The following ERAP2 variants were observed in gnomAD, a reference collection of about 807,000 sequenced individuals.
The protein encoded by ERAP2 is endoplasmic reticulum aminopeptidase 2, also known as leukocyte-derived arginine aminopeptidase.
A neutral mutation model predicts 111.1 loss-of-function variants in ERAP2; 118 were observed. That is an observed-to-expected ratio of 1.06 (90% CI 0.92 to 1.24). ERAP2 has a LOEUF of 1.24. ERAP2 is among the 50% of genes most tolerant of loss of function. The pLI is 0.00. For missense variants in ERAP2, 1,131 were observed against 1,125.8 expected, an observed-to-expected ratio of 1.00 and a Z score of -0.07; for synonymous variants, 410 against 401.2, an observed-to-expected ratio of 1.02 and a Z score of -0.26.
intron 2 of ERAP2, 78 bp from the exon 3 acceptor site, chr5:96,883,714 C>T: frequency 1.4e-6 from 2 of 1,429,664 alleles, no homozygotes; most frequent in Non-Finnish European, 1.9e-6. Context: ...GTTTGATAAG[C>T]TGTTTGCTGA....
intron 18 of ERAP2, among the ~76,000 whole-genome samples, chr5:96,916,885 T>C (rs2910686): frequency 0.42 from 63,298 of 151,790 alleles, 13,267 homozygotes; most frequent in East Asian, 0.44. Context: ...CACCATTTAC[T>C]CTATGACTTG....
At chr5:96,915,835 T>C (rs893835652) in intron 18 of ERAP2, 66 bp downstream of exon 18, 25 of 1,331,290 alleles carry the variant, frequency 1.9e-5, no homozygotes, top group Non-Finnish European at 2.6e-5. Context: ...GAAAGTAAAC[T>C]TAGATATAAT....
chr5:96,879,632 G>C lies in ERAP2; in HGVS notation c.-54G>C. 1 of 1,476,820 alleles carries C rather than the reference G, an allele frequency of 6.8e-7. No individual in the cohort carries two copies. Among genetic ancestry groups the C allele is most frequent in the Non-Finnish European group, 9.4e-7 (1 of 1,064,158 alleles). 91.5% of individuals were successfully genotyped at this position (1,476,820 alleles called of 1,614,324 possible). ...ATAACTGGAGCCAGTGCAGTGCCATGAAGAACTACGAGATTAGCCTGGATA... is the reference window on the plus strand; with the variant it reads ...ATAACTGGAGCCAGTGCAGTGCCATCAAGAACTACGAGATTAGCCTGGATA... On this transcript the variant is annotated 5_prime_UTR_variant, in exon 2 of 19. An upstream start codon of the reference 5' UTR is lost. Coordinates refer to ENST00000437043, the MANE Select transcript of ERAP2 (RefSeq NM_022350.5).
chr5:96,912,983 G>A (rs1786969892), intron 16 of ERAP2, among the ~76,000 whole-genome samples, 185 bp downstream of exon 16: 1 of 152,118 alleles, frequency 6.6e-6, no homozygotes, highest in African/African-American at 2.4e-5. Flanking sequence ...GTATTCCCTA[G>A]TTATTAATCA....
rs1485752309 is a variant in ERAP2 at position 96,896,482 on chromosome 5, T to C, written c.1349T>C (p.Phe450Ser). ...AETPTQIQEM[F>S]DEVSYNKGAC... is the part of the protein sequence containing the mutation. ...ACCCCGACTCAAATACAGGAAATGT[T>C]TGATGAAGTTTCCTATAACAAGGTA... Residue 450 changes from phenylalanine to serine, a missense_variant, in exon 8 of 19, where the codon TTT becomes TCT. This residue lies in a region of ERAP2 where 847 missense variants were observed against 856.5 expected (regional missense o/e 0.99). Transcript: ENST00000437043. 1.2e-6 allele frequency: 2 copies of C among 1,613,434 alleles called. No homozygotes were observed. Among genetic ancestry groups the C allele is most frequent in the Non-Finnish European group, 1.7e-6 (2 of 1,179,642 alleles).
intron 15 of ERAP2, chr5:96,910,159 G>C (rs1040671385): frequency 6.2e-6 from 1 of 162,168 alleles, no homozygotes; most frequent in African/African-American, 2.4e-5. Flanking sequence ...CAGCTACTTC[G>C]GAGGCTGAGG....
intron 5 of ERAP2, 103 bp from the exon 6 acceptor site, chr5:96,892,196 G>C: frequency 4.2e-6 from 5 of 1,185,740 alleles, no homozygotes; most frequent in Non-Finnish European, 6.1e-6. Flanking sequence ...CAAAAAGTCT[G>C]CTTAAATATG....
rs189518074 is a variant in ERAP2 at position 96,886,920 on chromosome 5, T to G, written c.849+131T>G. On this transcript the variant is annotated intron_variant, in intron 4 of 18. Coordinates refer to ENST00000437043, the MANE Select transcript of ERAP2 (RefSeq NM_022350.5). Reference sequence around the variant, plus strand: ...TTACAAGAAGAGATAGATAAAAAACTAAGTTAAAAATTATCCATAGTCCTG... The same window carrying G: ...TTACAAGAAGAGATAGATAAAAAACGAAGTTAAAAATTATCCATAGTCCTG... 1,106 of 891,594 alleles carry G rather than the reference T, an allele frequency of 1.2e-3. 25 individuals are homozygous for G. In the Admixed American group the frequency reaches 0.034, roughly 28 times the overall value. 55.2% of individuals were successfully genotyped at this position (891,594 alleles called of 1,614,324 possible). A position where few individuals can be genotyped will look rare whatever the true frequency, so the allele number is the denominator to read the frequency against.
At position 96,886,613 on chromosome 5, in the gene ERAP2, C is replaced by T. The variant is rs763663800; in HGVS notation, c.715-42C>T. ...AAGTCATAGGCATGGTTATGAAATACTCCAGTTTTCAAGTACTGATTATTC... is the reference window on the plus strand; with the variant it reads ...AAGTCATAGGCATGGTTATGAAATATTCCAGTTTTCAAGTACTGATTATTC... On this transcript the variant is annotated intron_variant, in intron 3 of 18. Coordinates refer to ENST00000437043, the MANE Select transcript of ERAP2 (RefSeq NM_022350.5). 1.8e-5 allele frequency: 26 copies of T among 1,447,592 alleles called. No individual in the cohort carries two copies. In the Admixed American group the frequency reaches 3.9e-4, roughly 22 times the overall value. The allele number at this position is 1,447,592 out of a possible 1,614,324, so 89.7% of individuals were successfully genotyped here.
chr5:96,886,573 TA>T, intron 3 of ERAP2, 81 bp from the exon 4 acceptor site: 1 of 1,262,706 alleles, frequency 7.9e-7, no homozygotes, highest in Non-Finnish European at 1.1e-6. Context: ...GGCTTGCCTC[TA>T]ACTCACCTGC....
Position 96,889,211 on chromosome 5 carries a change from A to C in ERAP2, c.876A>C (p.Lys292Asn). 6.2e-7 allele frequency: 1 copy of C among 1,614,158 alleles called. No individual in the cohort carries two copies. The highest frequency in any genetic ancestry group is 1.1e-5 in the South Asian group (1 of 91,082). The change falls in exon 5 of 19, where the codon AAA becomes AAC. Residue 292 changes from lysine (K) to asparagine (N), a missense_variant. Transcript: ENST00000437043. ...VKVSIYASPDKRNQTHYALQA... is the reference protein window; with the variant it reads ...VKVSIYASPDNRNQTHYALQA... ...TGTCCATCTATGCATCCCCAGACAAACGGAATCAAACACATTATGCTTTGC... is the reference window on the plus strand; with the variant it reads ...TGTCCATCTATGCATCCCCAGACAACCGGAATCAAACACATTATGCTTTGC...
At position 96,890,749 on chromosome 5, in the gene ERAP2, C is replaced by A. The variant is rs550511431; in HGVS notation, c.970+1444C>A. Among the ~76,000 whole-genome samples, 223 of 152,228 alleles carry A rather than the reference C, an allele frequency of 1.5e-3. 1 individual carries two copies. Among genetic ancestry groups the A allele is most frequent in the African/African-American group, 5.0e-3 (208 of 41,548 alleles). On this transcript the variant is annotated intron_variant, in intron 5 of 18. Coordinates refer to ENST00000437043, the MANE Select transcript of ERAP2 (RefSeq NM_022350.5). ...AAAAGCTATATCCAGGGACTTATTT[C>A]GATAGTTCCTGAGTCTTACTCTGCT... is the stretch of plus-strand genomic sequence containing the variant.
At chr5:96,910,000 C>T (rs1786540015) in intron 15 of ERAP2, 2 of 397,556 alleles carry the variant, frequency 5.0e-6, no homozygotes, top group Admixed American at 7.0e-5. Context: ...ATGCAGTGGC[C>T]CACGCCTATA....
At chr5:96,909,419 T>C (rs541162649) in intron 14 of ERAP2, among the ~76,000 whole-genome samples, 161 bp from the exon 15 acceptor site, 1 of 152,324 alleles carries the variant, frequency 6.6e-6, no homozygotes, top group South Asian at 2.1e-4. Context: ...CTAAGTATGG[T>C]GGGTAACAGC....
At chr5:96,912,523 A>G (rs1000224287) in intron 15 of ERAP2, 114 bp from the exon 16 acceptor site, 3 of 632,290 alleles carry the variant, frequency 4.7e-6, no homozygotes, top group Non-Finnish European at 7.8e-6. Context: ...GATTTAATAC[A>G]TTGAGTACTG....
rs762905106 is a variant in ERAP2 at position 96,913,322 on chromosome 5, T to C, written c.2522T>C (p.Ile841Thr). 2.5e-6 allele frequency: 4 copies of C among 1,613,602 alleles called. No individual in the cohort carries two copies. Among genetic ancestry groups the C allele is most frequent in the South Asian group, 1.1e-5 (1 of 91,036 alleles). ...SKHQEKLLKL[I>T]ELGMEGKVIK... ...AATTATTTTTCTTTCTTCAGGTTAA[T>C]TGAACTAGGAATGGAAGGAAAGGTT... The change falls in exon 17 of 19, where the codon ATT (isoleucine) becomes ACT (threonine). Residue 841 changes from isoleucine (I) to threonine (T), a missense_variant. By Grantham distance (89) the Ile-to-Thr change is moderately conservative. This residue lies in a region of ERAP2 where 279 missense variants were observed against 250.9 expected (regional missense o/e 1.11). Coordinates refer to ENST00000437043, the MANE Select transcript of ERAP2 (RefSeq NM_022350.5).
chr5:96,876,409 T>C (rs17087117), upstream of ERAP2: 5,071 of 152,422 alleles, frequency 0.033, 125 homozygotes, highest in Middle Eastern at 0.11. Context: ...ACCTGCGTGA[T>C]AATGAACCAG....
chr5:96,914,991 G>A (rs1318681268), intron 17 of ERAP2, among the ~76,000 whole-genome samples: 1 of 151,540 alleles, frequency 6.6e-6, no homozygotes, highest in Non-Finnish European at 1.5e-5. Flanking sequence ...CTTAACATAT[G>A]CATATAATTT....
At position 96,892,401 on chromosome 5, in the gene ERAP2, C is replaced by A; in HGVS notation, c.1073C>A (p.Ala358Asp). The part of the protein sequence containing the change: ...SLLFDPKTSS[A>D]SDKLWVTRVI... ...CTTTTTGACCCCAAGACCTCTTCTG[C>A]TTCCGATAAACTGTGGGTCACCAGA... Residue 358 changes from alanine to aspartate, a missense_variant, in exon 6 of 19, where the codon GCT becomes GAT. Around this residue, in one of 3 missense-constraint regions of ERAP2, gnomAD observed 847 missense variants for 856.5 expected, o/e 0.99. Transcript: ENST00000437043. 3 of 1,614,064 alleles carry A rather than the reference C, an allele frequency of 1.9e-6. No individual in the cohort carries two copies. The highest frequency in any genetic ancestry group is 2.5e-6 in the Non-Finnish European group (3 of 1,179,942).
Sources: gnomAD v4.1 joint callset for allele counts (sites outside exome capture counted in the v4.1 genomes callset) on GRCh38, gnomAD v4.1.1 for gene constraint, gnomAD v4.1.1 regional missense constraint, MANE v1.5 for transcripts, NCBI Gene and HGNC (gene_info 2026-07-23, HGNC 2026-07-21) for gene names.